Variants in SCAMP1 observed in about 807,000 individuals in gnomAD.
SCAMP1 encodes secretory carrier membrane protein 1, also known as secretory carrier-associated membrane protein 1.
SCAMP1 carries 15 observed loss-of-function variants against 41.8 expected under a neutral mutation model. That is an observed-to-expected ratio of 0.36 (90% CI 0.24 to 0.55). SCAMP1 has a LOEUF of 0.55. Among genes scored for constraint, SCAMP1 ranks in the 20% least tolerant of loss-of-function variants. The probability of loss-of-function intolerance (pLI) is 0.86; values close to 1 mark genes in which losing one functional copy is unlikely to be tolerated. For missense variants in SCAMP1, 341 were observed against 412.6 expected (o/e 0.83, Z 1.50); for synonymous variants, 135 against 136.8 (o/e 0.99, Z 0.09).
At chr5:78,396,299 C>T (rs1327813471) in intron 2 of SCAMP1, among the ~76,000 whole-genome samples, 2 of 152,208 alleles carry the variant, frequency 1.3e-5, no homozygotes, top group Admixed American at 1.3e-4. Context: ...TTACAAATGT[C>T]CACTCTGGTG....
rs932170672 is a variant in SCAMP1 at position 78,371,474 on chromosome 5, T to C, written c.57+10746T>C. Among the ~76,000 whole-genome samples the C allele has an allele frequency of 3.3e-5, 5 of 152,342 alleles. No individual in the cohort carries two copies. The East Asian group carries it at 5.8e-4, about 18-fold the overall frequency. The stretch of plus-strand genomic sequence containing the variant: ...GTCAAAAATCTCAGTATTCTTAATC[T>C]GTGTTCTTGCAAAGGAGATGAAATA... On this transcript the variant is annotated intron_variant, in intron 1 of 8. Coordinates refer to ENST00000621999, the MANE Select transcript of SCAMP1 (RefSeq NM_004866.6).
chr5:78,432,946 T>G (rs571248966), intron 6 of SCAMP1, among the ~76,000 whole-genome samples: 3 of 152,258 alleles, frequency 2.0e-5, no homozygotes, highest in South Asian at 2.1e-4. Context: ...CTTTTGCATT[T>G]CAGTATATAT....
At chr5:78,411,895 G>T (rs1199600199) in intron 2 of SCAMP1, among the ~76,000 whole-genome samples, 1 of 152,076 alleles carries the variant, frequency 6.6e-6, no homozygotes, top group Non-Finnish European at 1.5e-5. Context: ...CCACTTTTCA[G>T]TGTGTGAGAA....
At chr5:78,446,781 T>C (rs1424707952) in intron 6 of SCAMP1, among the ~76,000 whole-genome samples, 1 of 152,222 alleles carries the variant, frequency 6.6e-6, no homozygotes, top group Admixed American at 6.5e-5. Context: ...TGTAATATAG[T>C]ACTGCTGCAA....
At chr5:78,391,873 G>A (rs1268418081) in intron 2 of SCAMP1, among the ~76,000 whole-genome samples, 8 of 152,162 alleles carry the variant, frequency 5.3e-5, no homozygotes, top group African/African-American at 7.2e-5. Context: ...CAGGCGTGGC[G>A]GCGCGCGCCT....
At chr5:78,452,435 G>A (rs1403200302) in intron 7 of SCAMP1, among the ~76,000 whole-genome samples, 31 of 130,550 alleles carry the variant, frequency 2.4e-4, no homozygotes, top group African/African-American at 8.9e-4. Context: ...GAGAATATGC[G>A]GTGTTTGGTT....
intron 1 of SCAMP1, among the ~76,000 whole-genome samples, chr5:78,385,688 G>C (rs769755840): frequency 7.2e-5 from 11 of 152,042 alleles, no homozygotes; most frequent in Non-Finnish European, 1.2e-4. Flanking sequence ...TTTCCATCTT[G>C]ATGTTAATGT....
At chr5:78,464,773 C>T (rs546839746) in intron 8 of SCAMP1, among the ~76,000 whole-genome samples, 7 of 152,176 alleles carry the variant, frequency 4.6e-5, no homozygotes, top group Non-Finnish European at 7.3e-5. Context: ...TTATTTTGCT[C>T]AGCCATACTC....
chr5:78,373,722 T>A (rs1751000382), intron 1 of SCAMP1, among the ~76,000 whole-genome samples: 1 of 152,156 alleles, frequency 6.6e-6, no homozygotes, highest in African/African-American at 2.4e-5. Context: ...AAATAGAGTG[T>A]GAAATTTGGA....
Position 78,430,127 on chromosome 5 carries a change from T to G in SCAMP1, c.632+8167T>G, listed in dbSNP as rs1280714863. Among the ~76,000 whole-genome samples the G allele has an allele frequency of 3.6e-4, 16 of 44,072 alleles. 1 individual carries two copies. Among genetic ancestry groups the G allele is most frequent in the African/African-American group, 1.1e-3 (15 of 13,402 alleles). 28.9% of individuals were successfully genotyped at this position (44,072 alleles called of 152,430 possible). ...CAGTATTTATTTATAAATACAGTAT[T>G]TATTTATAAATACAGTATTTATTTA... On this transcript the variant is annotated intron_variant, in intron 6 of 8. Coordinates refer to ENST00000621999, the MANE Select transcript of SCAMP1 (RefSeq NM_004866.6).
At chr5:78,459,851 T>C (rs560257804) in intron 8 of SCAMP1, among the ~76,000 whole-genome samples, 6 of 152,338 alleles carry the variant, frequency 3.9e-5, no homozygotes, top group African/African-American at 1.4e-4. Context: ...TGGGCTTCTA[T>C]TGAACCCATC....
intron 8 of SCAMP1, among the ~76,000 whole-genome samples, chr5:78,463,941 T>G (rs1753678337): frequency 2.0e-5 from 3 of 152,164 alleles, no homozygotes; most frequent in African/African-American, 7.2e-5. Context: ...GTAATTCCAT[T>G]GAACATTTTT....
rs775122526 is a variant in SCAMP1 at position 78,422,331 on chromosome 5, TA to T, written c.632+374del. ...TTGGTGCTTATGGTTTTTTTTTTTTTAAATTAACCTAAGTAAGGTAAATATA... is the reference window on the plus strand; with the variant it reads ...TTGGTGCTTATGGTTTTTTTTTTTTTAATTAACCTAAGTAAGGTAAATATA... On this transcript the variant is annotated intron_variant, in intron 6 of 8. Transcript: ENST00000621999. Among the ~76,000 whole-genome samples the T allele has an allele frequency of 4.0e-3, 563 of 141,516 alleles. 2 individuals carry two copies. The highest frequency in any genetic ancestry group is 6.5e-3 in the Non-Finnish European group (417 of 64,478). The allele number at this position is 141,516 out of a possible 152,430, so 92.8% of individuals were successfully genotyped here.
chr5:78,451,477 C>T (rs551696174), intron 7 of SCAMP1, among the ~76,000 whole-genome samples: 12 of 152,284 alleles, frequency 7.9e-5, no homozygotes, highest in South Asian at 2.1e-4. Context: ...CTCCCCTTTT[C>T]CCACTCCTTA....
chr5:78,420,087 G>A (rs1451995884), intron 5 of SCAMP1, among the ~76,000 whole-genome samples: 1 of 152,008 alleles, frequency 6.6e-6, no homozygotes, highest in Admixed American at 6.6e-5. Flanking sequence ...ACAGAGTCTT[G>A]CTTTGTTGCC....
In SCAMP1 at chr5:78,410,898, T is replaced by G. The variant is rs140550114; in HGVS notation, c.136-4622T>G. On this transcript the variant is annotated intron_variant, in intron 2 of 8. Coordinates refer to ENST00000621999, the MANE Select transcript of SCAMP1 (RefSeq NM_004866.6). ...TGATTTGCATTTTTCTAATGATCAG[T>G]GATGTTGAGCTTTTTTTTCATATGT... Among the ~76,000 whole-genome samples, 903 of 152,340 alleles carry G rather than the reference T, an allele frequency of 5.9e-3. 4 individuals are homozygous for G. The highest frequency in any genetic ancestry group is 0.02 in the African/African-American group (852 of 41,574).
At chr5:78,362,508 C>T (rs760355502) in intron 1 of SCAMP1, among the ~76,000 whole-genome samples, 1 of 152,180 alleles carries the variant, frequency 6.6e-6, no homozygotes, top group Admixed American at 6.5e-5. Context: ...TTTAAATATT[C>T]ATTGTGGCAT....
At chr5:78,474,864 C>G (rs899454712) in intron 8 of SCAMP1, among the ~76,000 whole-genome samples, 2 of 151,930 alleles carry the variant, frequency 1.3e-5, no homozygotes, top group Non-Finnish European at 2.9e-5. Flanking sequence ...ATTTTTGAAC[C>G]CTACTCCTGA....
intron 1 of SCAMP1, among the ~76,000 whole-genome samples, chr5:78,364,005 G>A (rs1046216408): frequency 6.6e-6 from 1 of 152,188 alleles, no homozygotes; most frequent in African/African-American, 2.4e-5. Flanking sequence ...CTGTTAAAAT[G>A]GGGTTTTAAA....
Sources: gnomAD v4.1 joint callset for allele counts (sites outside exome capture counted in the v4.1 genomes callset) on GRCh38, gnomAD v4.1.1 for gene constraint, MANE v1.5 for transcripts, NCBI Gene and HGNC (gene_info 2026-07-23, HGNC 2026-07-21) for gene names.